Variants in KAZN observed in about 807,000 individuals in gnomAD.
The protein encoded by KAZN is kazrin.
Under a neutral mutation model 87.4 loss-of-function variants are expected in KAZN, and 40 were observed. The observed-to-expected ratio is 0.46, with a 90% CI of 0.36 to 0.60. KAZN has a LOEUF of 0.60. KAZN is among the 20% of genes least tolerant of loss of function. The probability of loss-of-function intolerance (pLI) is 0.00; values close to 1 mark genes in which losing one functional copy is unlikely to be tolerated. For missense variants in KAZN, 898 were observed against 1,073.9 expected, an observed-to-expected ratio of 0.84 and a Z score of 2.29; for synonymous variants, 466 against 458.3, an observed-to-expected ratio of 1.02 and a Z score of -0.22.
intron 1 of KAZN, among the ~76,000 whole-genome samples, chr1:14,727,906 G>C (rs1037260287): frequency 6.6e-6 from 1 of 152,134 alleles, no homozygotes; most frequent in African/African-American, 2.4e-5. Context: ...GATAGCAACA[G>C]ATCATCAGGC....
At chr1:14,446,760 C>T (rs1360491142) in intron 2 of KAZN, among the ~76,000 whole-genome samples, 1 of 152,182 alleles carries the variant, frequency 6.6e-6, no homozygotes, top group Non-Finnish European at 1.5e-5. Context: ...TCCTTTGCCA[C>T]CATCACAATT....
chr1:14,437,500 G>A (rs539360962), intron 2 of KAZN, among the ~76,000 whole-genome samples: 2 of 152,214 alleles, frequency 1.3e-5, no homozygotes, highest in South Asian at 2.1e-4. Context: ...TTCTCACCTC[G>A]CCCCTGGCAG....
intron 1 of KAZN, among the ~76,000 whole-genome samples, chr1:14,689,093 G>C (rs902498252): frequency 6.6e-6 from 1 of 152,152 alleles, no homozygotes; most frequent in African/African-American, 2.4e-5. Flanking sequence ...TACTGGAAAG[G>C]CTCAGGCACG....
chr1:14,403,570 G>A (rs1462232012), intron 2 of KAZN, among the ~76,000 whole-genome samples: 1 of 151,994 alleles, frequency 6.6e-6, no homozygotes, highest in East Asian at 1.9e-4. Flanking sequence ...AATAAGAAAA[G>A]GACAAAGAAC....
intron 1 of KAZN, among the ~76,000 whole-genome samples, chr1:14,140,804 T>C (rs1645218573): frequency 6.6e-6 from 1 of 152,054 alleles, no homozygotes; most frequent in African/African-American, 2.4e-5. Context: ...ACAAGCAGCC[T>C]GAGTCTGTAC....
chr1:14,105,712 A>G, intron 1 of KAZN, among the ~76,000 whole-genome samples: 1 of 152,354 alleles, frequency 6.6e-6, no homozygotes, highest in East Asian at 1.9e-4. Flanking sequence ...ATGGAGTTCC[A>G]TGACCTAGTG....
chr1:14,594,837 G>A (rs1011010543), upstream of KAZN, among the ~76,000 whole-genome samples: 48 of 152,182 alleles, frequency 3.2e-4, no homozygotes, highest in Admixed American at 2.5e-3. Flanking sequence ...TAGGCCAGTG[G>A]GAGGGGACAC....
chr1:14,526,131 C>A (rs1010218037), intron 2 of KAZN, among the ~76,000 whole-genome samples: 1 of 152,216 alleles, frequency 6.6e-6, no homozygotes, highest in Admixed American at 6.5e-5. Context: ...GGGATGCCCC[C>A]ACATTTTTCC....
intron 1 of KAZN, among the ~76,000 whole-genome samples, chr1:14,172,414 A>C (rs1019608003): frequency 6.6e-5 from 10 of 152,138 alleles, no homozygotes; most frequent in Non-Finnish European, 1.2e-4. Flanking sequence ...TTTTGGGCAA[A>C]TATTTGTTTG....
chr1:13,971,935 G>A (rs773924370), intron 1 of KAZN, among the ~76,000 whole-genome samples: 7 of 152,066 alleles, frequency 4.6e-5, no homozygotes, highest in South Asian at 2.1e-4. Flanking sequence ...AGTTCCCTGA[G>A]GCCTCCCCAG....
chr1:14,195,056 A>G (rs1384568863), intron 2 of KAZN, among the ~76,000 whole-genome samples: 1 of 152,154 alleles, frequency 6.6e-6, no homozygotes, highest in Non-Finnish European at 1.5e-5. Context: ...CCAACAATCA[A>G]CCCTTCGAGG....
Position 14,969,303 on chromosome 1 carries a change from G to C in KAZN, c.418+8428G>C, listed in dbSNP as rs570040182. Among the ~76,000 whole-genome samples, 8 of 152,350 alleles carry C rather than the reference G, an allele frequency of 5.3e-5. No homozygotes were observed. The East Asian group carries it at 1.5e-3, about 29-fold the overall frequency. On this transcript the variant is annotated intron_variant, in intron 2 of 14. Coordinates refer to ENST00000376030, the MANE Select transcript of KAZN (RefSeq NM_201628.3). ...TTCCCACATCCGCACTCCATTCTTAGTCTCATTCCCTCCATCAAAGACGTG... is the reference window on the plus strand; with the variant it reads ...TTCCCACATCCGCACTCCATTCTTACTCTCATTCCCTCCATCAAAGACGTG...
chr1:15,110,502 T>C (rs1475616005), intron 13 of KAZN, among the ~76,000 whole-genome samples: 7 of 20,140 alleles, frequency 3.5e-4, no homozygotes, highest in Admixed American at 1.3e-3. Flanking sequence ...TGTATGTGTG[T>C]GTATTTGTGT....
chr1:14,037,370 A>G (rs138750445), intron 1 of KAZN, among the ~76,000 whole-genome samples: 1 of 152,270 alleles, frequency 6.6e-6, no homozygotes, highest in African/African-American at 2.4e-5. Context: ...ACCTAAAGCT[A>G]TCCCCTACCA....
rs143992993 is a variant in KAZN at position 14,107,363 on chromosome 1, T to TTTTGTTTG, written c.92-73052_92-73045dup. 1.6e-4 allele frequency among the ~76,000 whole-genome samples: 24 copies of TTTTGTTTG among 151,540 alleles called. 1 individual carries two copies. Among genetic ancestry groups the TTTTGTTTG allele is most frequent in the Admixed American group, 9.2e-4 (14 of 15,238 alleles). On this transcript the variant is annotated intron_variant, in intron 1 of 16. Transcript: ENST00000636203. The stretch of plus-strand genomic sequence containing the variant: ...TCTTTCCCATTAGCCCAAGATGGTT[T>TTTTGTTTG]TTTGTTTGTTTGTTTGTTTGTTTGT...
chr1:14,711,618 T>C lies in KAZN; in HGVS notation c.226+112395T>C, dbSNP rs146173005. Reference sequence around the variant, plus strand: ...TGCTAGTGCACTCTCTCCCCATCTCTCACTTGCTCCCGTCGATGAAGCAGT... The same window carrying C: ...TGCTAGTGCACTCTCTCCCCATCTCCCACTTGCTCCCGTCGATGAAGCAGT... On this transcript the variant is annotated intron_variant, in intron 1 of 14. Transcript: ENST00000376030. Among the ~76,000 whole-genome samples, 53 of 152,284 alleles carry C rather than the reference T, an allele frequency of 3.5e-4. No homozygotes were observed. The East Asian group carries it at 4.1e-3, about 12-fold the overall frequency.
intron 2 of KAZN, among the ~76,000 whole-genome samples, chr1:14,297,163 A>G (rs1400344391): frequency 6.6e-6 from 1 of 152,164 alleles, no homozygotes; most frequent in African/African-American, 2.4e-5. Context: ...AGAGGTGGGC[A>G]GTTGCCAGCT....
intron 1 of KAZN, among the ~76,000 whole-genome samples, chr1:14,099,090 C>G (rs893824061): frequency 1.3e-5 from 2 of 152,098 alleles, no homozygotes; most frequent in Non-Finnish European, 2.9e-5. Context: ...GGTAGCCTCT[C>G]CTGGACAACT....
chr1:14,661,629 C>T (rs1193885701), intron 1 of KAZN, among the ~76,000 whole-genome samples: 1 of 140,812 alleles, frequency 7.1e-6, no homozygotes, highest in Non-Finnish European at 1.5e-5. Context: ...CTCTAGCTCA[C>T]ACCTGTAATC....
Sources: allele counts gnomAD v4.1 joint callset (sites outside exome capture counted in the v4.1 genomes callset), GRCh38; gene constraint gnomAD v4.1.1; transcripts MANE v1.5; gene names NCBI Gene and HGNC (gene_info 2026-07-23, HGNC 2026-07-21).